IGF2R: variants seen among roughly 807,000 people sequenced by gnomAD.
IGF2R encodes the protein cation-independent mannose-6-phosphate receptor.
In IGF2R, 91 loss-of-function variants were observed where a neutral mutation model predicts 270.6. That is an observed-to-expected ratio of 0.34 (90% CI 0.28 to 0.40). The LOEUF is 0.40. Ranked by LOEUF, IGF2R falls within the 10% of genes least tolerant of loss-of-function variation. The probability of loss-of-function intolerance (pLI) is 1.00; values close to 1 mark genes in which losing one functional copy is unlikely to be tolerated. For synonymous variants in IGF2R, 1,316 were observed against 1,258.9 expected (o/e 1.05, Z -0.96); for missense variants, 2,805 against 3,188.3 (o/e 0.88, Z 2.90).
intron 45 of IGF2R, among the ~76,000 whole-genome samples, chr6:160,098,723 G>T (rs989987598): frequency 1.3e-5 from 2 of 152,142 alleles, no homozygotes; most frequent in African/African-American, 4.8e-5. Flanking sequence ...GAAGGCTGAG[G>T]CAGGAGAATT....
rs572261379 is a variant in IGF2R at position 160,008,877 on chromosome 6, G to C, written c.290-133G>C. 1.3e-5 allele frequency: 12 copies of C among 889,248 alleles called. No homozygotes were observed. In the South Asian group the frequency reaches 2.0e-4, roughly 15 times the overall value. 55.1% of individuals were successfully genotyped at this position (889,248 alleles called of 1,614,324 possible). The stretch of plus-strand genomic sequence containing the variant: ...TGCCACTCTGAGATGGAAAATTCTG[G>C]GAAAGGACAGTTTTATAAATTTATA... On this transcript the variant is annotated intron_variant, in intron 2 of 47. Coordinates refer to ENST00000356956, the MANE Select transcript of IGF2R (RefSeq NM_000876.4).
chr6:160,085,376 G>A (rs1186027077), intron 41 of IGF2R, among the ~76,000 whole-genome samples: 1 of 152,202 alleles, frequency 6.6e-6, no homozygotes, highest in Admixed American at 6.5e-5. Context: ...TCTCGGGGAA[G>A]TGCGTCTATC....
In IGF2R at chr6:160,105,041, T is replaced by C. The variant is rs974526074; in HGVS notation, c.7433T>C (p.Val2478Ala). Residue 2478 changes from valine to alanine, a missense_variant, in exon 48 of 48, where the codon GTG becomes GCG. Val to Ala is a moderately conservative substitution (Grantham distance 64, BLOSUM62 0). Coordinates refer to ENST00000356956, the MANE Select transcript of IGF2R (RefSeq NM_000876.4). ...AAGACAGTGAGCTCCACCAAGCTGG[T>C]GTCCTTCCATGACGACAGCGACGAG... ...QQKTVSSTKL[V>A]SFHDDSDEDL... 6.2e-7 allele frequency: 1 copy of C among 1,610,372 alleles called. No individual in the cohort carries two copies. Among genetic ancestry groups the C allele is most frequent in the Non-Finnish European group, 8.5e-7 (1 of 1,178,084 alleles).
chr6:160,086,787 G>A (rs537321923), intron 41 of IGF2R, among the ~76,000 whole-genome samples: 1 of 152,184 alleles, frequency 6.6e-6, no homozygotes, highest in Non-Finnish European at 1.5e-5. Context: ...GCAGCCCTCA[G>A]TACCTCAGCC....
chr6:159,983,774 G>A (rs780752754), intron 1 of IGF2R, among the ~76,000 whole-genome samples: 2 of 152,192 alleles, frequency 1.3e-5, no homozygotes, highest in African/African-American at 2.4e-5. Context: ...AGTTGAGGAA[G>A]ACAATATAGA....
chr6:160,013,410 T>TAAAA (rs34643864), intron 4 of IGF2R, among the ~76,000 whole-genome samples: 2 of 87,722 alleles, frequency 2.3e-5, no homozygotes, highest in Admixed American at 1.3e-4. Context: ...TGGTTCTTTG[T>TAAAA]AAAAAAAAAA....
intron 44 of IGF2R, among the ~76,000 whole-genome samples, chr6:160,090,726 A>C (rs1378084709): frequency 6.6e-6 from 1 of 152,108 alleles, no homozygotes; most frequent in Non-Finnish European, 1.5e-5. Context: ...TAACTCTTTA[A>C]AAAAAAATGA....
At chr6:160,012,940 T>C (rs1376894689) in intron 4 of IGF2R, among the ~76,000 whole-genome samples, 3 of 151,692 alleles carry the variant, frequency 2.0e-5, no homozygotes, top group South Asian at 2.1e-4. Flanking sequence ...CACACAGTCA[T>C]CCTCAAGTGT....
intron 4 of IGF2R, among the ~76,000 whole-genome samples, chr6:160,011,319 C>T (rs1784329920): frequency 6.6e-6 from 1 of 152,152 alleles, no homozygotes; most frequent in South Asian, 2.1e-4. Context: ...TCTTTTCCAG[C>T]TCACCTCAGA....
intron 19 of IGF2R, among the ~76,000 whole-genome samples, chr6:160,051,788 A>G (rs1263624113): frequency 1.3e-5 from 2 of 152,008 alleles, no homozygotes; most frequent in Non-Finnish European, 2.9e-5. Flanking sequence ...GTGAGACCCC[A>G]TCTACAAAAA....
At chr6:160,017,744 G>C (rs1777339808) in intron 4 of IGF2R, among the ~76,000 whole-genome samples, 1 of 152,106 alleles carries the variant, frequency 6.6e-6, no homozygotes, top group African/African-American at 2.4e-5. Flanking sequence ...CCTGAATTTT[G>C]TATCCTGCCA....
chr6:160,001,100 G>T (rs1035764888), intron 2 of IGF2R, among the ~76,000 whole-genome samples: 1 of 152,092 alleles, frequency 6.6e-6, no homozygotes, highest in African/African-American at 2.4e-5. Context: ...GACTGGTAGC[G>T]GTTTGTAGCC....
intron 15 of IGF2R, among the ~76,000 whole-genome samples, chr6:160,046,881 G>C (rs1367678802): frequency 6.6e-6 from 1 of 152,204 alleles, no homozygotes; most frequent in African/African-American, 2.4e-5. Context: ...TGCGCATTTT[G>C]TGCTTCTCAG....
chr6:160,006,484 G>A (rs1784240550), intron 2 of IGF2R: 2 of 150,198 alleles, frequency 1.3e-5, no homozygotes, highest in Non-Finnish European at 2.9e-5. Context: ...CACTGACCTT[G>A]GTTTCAGAGC....
At chr6:160,059,263 C>T (rs937531632) in intron 22 of IGF2R, among the ~76,000 whole-genome samples, 165 bp downstream of exon 22, 1 of 152,154 alleles carries the variant, frequency 6.6e-6, no homozygotes, top group Admixed American at 6.5e-5. Flanking sequence ...CGTTTGACCT[C>T]GCAGAATACA....
Position 160,073,862 on chromosome 6 carries a change from G to C in IGF2R, c.5053G>C (p.Asp1685His). ...AYDESEDDAS[D>H]TNPDFYINIC... ...TGATGAGAGTGAGGATGATGCCTCC[G>C]ATACCAACCCTGATTTCTACATCAA... The change falls in exon 35 of 48, where the codon GAT becomes CAT. Residue 1685 changes from aspartate to histidine, a missense_variant. Physicochemically the swap from Asp to His is moderately conservative, Grantham distance 81. Coordinates refer to ENST00000356956, the MANE Select transcript of IGF2R (RefSeq NM_000876.4). 1 of 1,614,002 alleles carries C rather than the reference G, an allele frequency of 6.2e-7. No individual in the cohort carries two copies. Among genetic ancestry groups the C allele is most frequent in the Non-Finnish European group, 8.5e-7 (1 of 1,179,916 alleles).
rs770090225 is a variant in IGF2R at position 160,084,210 on chromosome 6, G to A, written c.6068+26G>A. 17 of 1,391,176 alleles carry A rather than the reference G, an allele frequency of 1.2e-5. No individual in the cohort carries two copies. The highest frequency in any genetic ancestry group is 1.1e-4 in the East Asian group (5 of 43,640). 86.2% of individuals were successfully genotyped at this position (1,391,176 alleles called of 1,614,324 possible). On this transcript the variant is annotated intron_variant, in intron 40 of 47. Transcript: ENST00000356956. This position sits in a 1 kb window ranked among gnomAD's most constrained non-coding sequence, Gnocchi z 4.6. ...GTGAGTGCCTTCCCAGTCCACCCGC[G>A]GCGCCACACCCTCAGCATGTGAACT... is the stretch of plus-strand genomic sequence containing the variant.
At chr6:160,044,749 C>A in intron 13 of IGF2R, 92 bp downstream of exon 13, 1 of 993,202 alleles carries the variant, frequency 1.0e-6, no homozygotes, top group Admixed American at 2.5e-5. Flanking sequence ...CACTGCAAAG[C>A]TGATCAGACA....
In IGF2R at chr6:160,005,476, G is replaced by A. The variant is rs1171407305; in HGVS notation, c.290-3534G>A. 2.0e-5 allele frequency: 3 copies of A among 152,184 alleles called. No homozygotes were observed. In the East Asian group the frequency reaches 5.8e-4, roughly 29 times the overall value. 9.4% of individuals were successfully genotyped at this position (152,184 alleles called of 1,614,324 possible). ...GAGGAAGCCGGCGAGGAGTGGGTGT[G>A]CGCCCCGCCCGGCTCTACCGGCGAG... On this transcript the variant is annotated intron_variant, in intron 2 of 47. Coordinates refer to ENST00000356956, the MANE Select transcript of IGF2R (RefSeq NM_000876.4).
Sources: allele counts gnomAD v4.1 joint callset (sites outside exome capture counted in the v4.1 genomes callset), GRCh38; gene constraint gnomAD v4.1.1; non-coding constraint Gnocchi (gnomAD v3.1); transcripts MANE v1.5; gene names NCBI Gene and HGNC (gene_info 2026-07-23, HGNC 2026-07-21).